The following HYDIN variants were observed in gnomAD, a reference collection of about 807,000 sequenced individuals.
HYDIN encodes HYDIN axonemal central pair apparatus protein.
HYDIN carries 132 observed loss-of-function variants against 403.9 expected under a neutral mutation model. The observed-to-expected ratio is 0.33, with a 90% confidence interval of 0.28 to 0.38. The LOEUF (loss-of-function observed/expected upper bound fraction) is 0.38, where lower values mean the gene tolerates loss of function less well. Ranked by LOEUF, HYDIN falls within the 10% of genes least tolerant of loss-of-function variation. HYDIN has a pLI of 1.00. For synonymous variants in HYDIN, 1,202 were observed against 1,891.7 expected (o/e 0.64, Z 9.46); for missense variants, 2,827 against 5,009.5 (o/e 0.56, Z 13.15).
chr16:70,902,898 T>C (rs1331273818), intron 52 of HYDIN, among the ~76,000 whole-genome samples: 1 of 145,952 alleles, frequency 6.9e-6, no homozygotes, highest in African/African-American at 2.6e-5. Context: ...GTTAGACTGC[T>C]TGATGTTGTC....
intron 66 of HYDIN, 87 bp downstream of exon 66, chr16:70,868,483 G>A: frequency 6.8e-7 from 1 of 1,475,190 alleles, no homozygotes; most frequent in Non-Finnish European, 9.0e-7. Context: ...TTTTTACTGT[G>A]AAAAAAGGAA....
intron 18 of HYDIN, among the ~76,000 whole-genome samples, chr16:71,047,667 T>C (rs1235981380): frequency 2.0e-5 from 3 of 150,882 alleles, no homozygotes; most frequent in Non-Finnish European, 4.4e-5. Flanking sequence ...TCTCTTCTTA[T>C]TCCCTTATTC....
At chr16:70,905,256 A>C in intron 50 of HYDIN, among the ~76,000 whole-genome samples, 1 of 151,716 alleles carries the variant, frequency 6.6e-6, no homozygotes, top group South Asian at 2.1e-4. Context: ...CACTGTGCTA[A>C]AGGCTCCAGG....
chr16:70,920,559 G>A (rs748377632), intron 46 of HYDIN, 32 bp downstream of exon 46: 1 of 1,548,782 alleles, frequency 6.5e-7, no homozygotes, highest in Non-Finnish European at 8.8e-7. Flanking sequence ...TGCCTGACTT[G>A]AGACTTCCCC....
chr16:70,989,031 T>TTATATGTACACACATGTACATA (rs1364553197), intron 25 of HYDIN, among the ~76,000 whole-genome samples: 31 of 152,248 alleles, frequency 2.0e-4, no homozygotes, highest in Admixed American at 5.2e-4. Flanking sequence ...ATTCTTGAGT[T>TTATATGTACACACATGTACATA]TATATGTACA....
At chr16:70,936,838 G>A (rs1774365) in intron 44 of HYDIN, among the ~76,000 whole-genome samples, 1 of 150,662 alleles carries the variant, frequency 6.6e-6, no homozygotes, top group African/African-American at 2.4e-5. Flanking sequence ...AGCCAGAAAC[G>A]GTATTTTCAA....
intron 18 of HYDIN, among the ~76,000 whole-genome samples, chr16:71,054,759 G>T (rs201683384): frequency 0.03 from 4,450 of 150,602 alleles, 45 homozygotes; most frequent in East Asian, 0.29. Flanking sequence ...TAAAGTAGGG[G>T]ACACAACTTT....
chr16:71,184,651 T>G (rs1363582936), intron 3 of HYDIN, among the ~76,000 whole-genome samples: 1 of 152,164 alleles, frequency 6.6e-6, no homozygotes, highest in African/African-American at 2.4e-5. Flanking sequence ...GAAAGAAGTA[T>G]AACTAGTCAA....
At chr16:70,968,963 C>G (rs1246165139) in intron 36 of HYDIN, among the ~76,000 whole-genome samples, 1 of 151,144 alleles carries the variant, frequency 6.6e-6, no homozygotes, top group Non-Finnish European at 1.5e-5. Context: ...TAAAAAAGAA[C>G]CAAATGAAAA....
chr16:71,178,433 AAATAT>A (rs201556632), intron 4 of HYDIN, among the ~76,000 whole-genome samples: 2,121 of 84,128 alleles, frequency 0.025, 11 homozygotes, highest in East Asian at 0.037. Context: ...AAAAAAAAAA[AAATAT>A]ATATATATAT....
At chr16:71,208,651 C>T (rs2088422234) in intron 1 of HYDIN, among the ~76,000 whole-genome samples, 1 of 151,850 alleles carries the variant, frequency 6.6e-6, no homozygotes, top group Non-Finnish European at 1.5e-5. Flanking sequence ...GATAGATAGA[C>T]CACCAGCTAG....
chr16:71,017,137 C>T (rs1235712481), intron 23 of HYDIN, among the ~76,000 whole-genome samples: 18 of 150,876 alleles, frequency 1.2e-4, no homozygotes, highest in Admixed American at 5.3e-4. Flanking sequence ...GTCAAGAGTT[C>T]GAGACCAGCC....
Position 70,804,243 on chromosome 16 carries a change from G to A in HYDIN, c.*3337C>T, listed in dbSNP as rs996160802. 1.1e-4 allele frequency among the ~76,000 whole-genome samples: 17 copies of A among 152,192 alleles called. No homozygotes were observed. Among genetic ancestry groups the A allele is most frequent in the Admixed American group, 7.9e-4 (12 of 15,280 alleles). On this transcript the variant is annotated 3_prime_UTR_variant, in exon 86 of 86. Transcript: ENST00000393567. The stretch of plus-strand genomic sequence containing the variant: ...GAGAAGGAACTTCCTCCTCTCTCAG[G>A]GGCTAGGAGGATTTGGACCCTAGAC...
intron 11 of HYDIN, 33 bp downstream of exon 11, chr16:71,093,784 T>C (rs762389871): frequency 1.9e-6 from 3 of 1,605,078 alleles, no homozygotes; most frequent in East Asian, 4.5e-5. Context: ...CCAAGTACTG[T>C]TTGAAGTATC....
chr16:71,174,209 A>C (rs2086575389), intron 5 of HYDIN, among the ~76,000 whole-genome samples: 1 of 152,222 alleles, frequency 6.6e-6, no homozygotes, highest in African/African-American at 2.4e-5. Context: ...AAATTATAGC[A>C]ATGGTATTAT....
At chr16:70,926,534 C>T (rs2077159144) in intron 45 of HYDIN, among the ~76,000 whole-genome samples, 1 of 151,936 alleles carries the variant, frequency 6.6e-6, no homozygotes, top group African/African-American at 2.4e-5. Flanking sequence ...ATGGGTGCAG[C>T]ACACCAGCAT....
Position 71,186,836 on chromosome 16 carries a change from C to A in HYDIN, c.60G>T (p.Met20Ile). The change falls in exon 2 of 86, where the codon ATG becomes ATT. Residue 20 changes from methionine (M) to isoleucine (I), a missense_variant. Coordinates refer to ENST00000393567, the MANE Select transcript of HYDIN (RefSeq NM_001270974.2). ...MGAVQMGLVN[M>I]FKGFQSKVLP... is the part of the protein sequence containing the mutation. ...AAACCTTGCTTTGAAATCCTTTGAA[C>A]ATATTGACCAATCCCATCTGAACAG... 1 of 1,613,260 alleles carries A rather than the reference C, an allele frequency of 6.2e-7. No individual in the cohort carries two copies.
At chr16:70,897,040 G>A (rs1327939241) in intron 53 of HYDIN, among the ~76,000 whole-genome samples, 1 of 144,772 alleles carries the variant, frequency 6.9e-6, no homozygotes, top group South Asian at 2.3e-4. Flanking sequence ...TAGCTTTTGG[G>A]GGTACAAATG....
At chr16:71,203,857 G>C in intron 1 of HYDIN, 1 of 454,462 alleles carries the variant, frequency 2.2e-6, no homozygotes, top group Non-Finnish European at 4.4e-6. Context: ...TTGAGCTCAG[G>C]AGTTTAAGAC....
Sources: allele counts gnomAD v4.1 joint callset (sites outside exome capture counted in the v4.1 genomes callset), GRCh38; gene constraint gnomAD v4.1.1; transcripts MANE v1.5; gene names NCBI Gene and HGNC (gene_info 2026-07-23, HGNC 2026-07-21).